Variants in HSDL2 observed in about 807,000 individuals in gnomAD.
HSDL2 encodes hydroxysteroid dehydrogenase-like protein 2.
Under a neutral mutation model 46.3 loss-of-function variants are expected in HSDL2, and 27 were observed. That is an observed-to-expected ratio of 0.58 (90% CI 0.43 to 0.80). The LOEUF is 0.80. HSDL2 is among the 30% of genes least tolerant of loss of function. HSDL2 has a pLI of 0.00. For synonymous variants in HSDL2, 153 were observed against 163.6 expected, an observed-to-expected ratio of 0.94 and a Z score of 0.50; for missense variants, 451 against 502.7, an observed-to-expected ratio of 0.90 and a Z score of 0.98.
intron 10 of HSDL2, among the ~76,000 whole-genome samples, chr9:112,461,469 A>G (rs933161651): frequency 2.2e-4 from 33 of 152,360 alleles, no homozygotes; most frequent in African/African-American, 7.7e-4. Context: ...GGACACATTT[A>G]ATAAACGCTC....
chr9:112,458,071 C>T (rs1414283537), intron 9 of HSDL2, among the ~76,000 whole-genome samples: 3 of 150,510 alleles, frequency 2.0e-5, no homozygotes, highest in East Asian at 2.0e-4. Context: ...CTCACAAGCT[C>T]ATCCAACACC....
At chr9:112,444,834 GTTT>G in intron 8 of HSDL2, among the ~76,000 whole-genome samples, 7 of 79,644 alleles carry the variant, frequency 8.8e-5, no homozygotes, top group Middle Eastern at 7.0e-3. Context: ...ACTCAGTCTT[GTTT>G]TTTTTTTTTT....
chr9:112,452,029 C>T (rs150639827), intron 8 of HSDL2, among the ~76,000 whole-genome samples: 197 of 152,012 alleles, frequency 1.3e-3, no homozygotes, highest in African/African-American at 4.4e-3. Flanking sequence ...GTGGATTGCC[C>T]CCAGTGCAGG....
At chr9:112,452,103 A>C (rs1832899108) in intron 8 of HSDL2, among the ~76,000 whole-genome samples, 1 of 152,242 alleles carries the variant, frequency 6.6e-6, no homozygotes, top group African/African-American at 2.4e-5. Flanking sequence ...AAAATTCTTT[A>C]AGGCTTTCAT....
Position 112,464,620 on chromosome 9 carries a change from G to C in HSDL2, c.1144+5043G>C, listed in dbSNP as rs189351957. Reference sequence around the variant, plus strand: ...AATCAGTGAAGCCATTTTGTAGCTGGGATTTTTTGTAGGAATATTTTAAAT... The same window carrying C: ...AATCAGTGAAGCCATTTTGTAGCTGCGATTTTTTGTAGGAATATTTTAAAT... On this transcript the variant is annotated intron_variant, in intron 10 of 10. Transcript: ENST00000398805. Among the ~76,000 whole-genome samples, 116 of 152,116 alleles carry C rather than the reference G, an allele frequency of 7.6e-4. 1 individual carries two copies. Among genetic ancestry groups the C allele is most frequent in the African/African-American group, 2.7e-3 (113 of 41,482 alleles).
chr9:112,414,885 C>T (rs920217547), intron 4 of HSDL2, among the ~76,000 whole-genome samples: 4 of 151,372 alleles, frequency 2.6e-5, no homozygotes, highest in African/African-American at 9.7e-5. Flanking sequence ...CAGTATTGTA[C>T]ATTTGGTAAT....
rs576016136 is a variant in HSDL2 at position 112,388,709 on chromosome 9, G to A, written c.17+8529G>A. Reference sequence around the variant, plus strand: ...GTGGAGGTTGCAGTGAGCTGAGATAGTGCCACTGCACTCTAACCTGGGCGA... The same window carrying A: ...GTGGAGGTTGCAGTGAGCTGAGATAATGCCACTGCACTCTAACCTGGGCGA... On this transcript the variant is annotated intron_variant, in intron 1 of 10. Coordinates refer to ENST00000398805, the MANE Select transcript of HSDL2 (RefSeq NM_032303.5). Among the ~76,000 whole-genome samples, 24 of 152,120 alleles carry A rather than the reference G, an allele frequency of 1.6e-4. 1 individual carries two copies. The South Asian group carries it at 5.0e-3, about 32-fold the overall frequency.
intron 4 of HSDL2, among the ~76,000 whole-genome samples, chr9:112,409,373 TAG>T (rs1226885840): frequency 6.6e-6 from 1 of 152,034 alleles, no homozygotes; most frequent in African/African-American, 2.4e-5. Flanking sequence ...GTATTTTTAG[TAG>T]AGACAGGGTT....
intron 6 of HSDL2, among the ~76,000 whole-genome samples, chr9:112,431,011 C>A (rs1474175397): frequency 7.0e-6 from 1 of 142,256 alleles, no homozygotes; most frequent in African/African-American, 2.6e-5. Flanking sequence ...GAGATCACGC[C>A]AGTGCACTCC....
intron 8 of HSDL2, among the ~76,000 whole-genome samples, chr9:112,451,906 A>G (rs1324280044): frequency 6.6e-6 from 1 of 152,180 alleles, no homozygotes; most frequent in Non-Finnish European, 1.5e-5. Flanking sequence ...TACCTGTAAT[A>G]TCATCTTTCT....
intron 10 of HSDL2, among the ~76,000 whole-genome samples, chr9:112,468,284 CTTATA>C (rs963590560): frequency 4.6e-5 from 7 of 152,066 alleles, no homozygotes; most frequent in African/African-American, 1.4e-4. Flanking sequence ...TTGAAAAGTT[CTTATA>C]TTATTTCTTT....
intron 1 of HSDL2, among the ~76,000 whole-genome samples, chr9:112,401,089 T>C (rs1183479336): frequency 6.6e-6 from 1 of 152,200 alleles, no homozygotes; most frequent in African/African-American, 2.4e-5. Flanking sequence ...GCTGTTATCT[T>C]AATTTTATTC....
At chr9:112,438,136 G>C (rs1022965720) in intron 6 of HSDL2, among the ~76,000 whole-genome samples, 6 of 152,214 alleles carry the variant, frequency 3.9e-5, no homozygotes, top group Admixed American at 2.6e-4. Context: ...CAGCTACTCA[G>C]AAGGCTGGGT....
In HSDL2 at chr9:112,459,469, T is replaced by A; in HGVS notation, c.1036T>A (p.Phe346Ile). 6.2e-7 allele frequency: 1 copy of A among 1,614,004 alleles called. No individual in the cohort carries two copies. The highest frequency in any genetic ancestry group is 1.1e-5 in the South Asian group (1 of 91,068). The change falls in exon 10 of 11, where the codon TTT becomes ATT. Residue 346 changes from phenylalanine (F) to isoleucine (I), a missense_variant. Coordinates refer to ENST00000398805, the MANE Select transcript of HSDL2 (RefSeq NM_032303.5). ...ELSGEDGGTW[F>I]LDLKSKGGNV... The stretch of plus-strand genomic sequence containing the variant: ...TCTAGGTGAAGATGGTGGCACGTGG[T>A]TTCTTGATCTGAAAAGCAAGGGTGG...
intron 9 of HSDL2, among the ~76,000 whole-genome samples, chr9:112,456,354 C>T (rs778249816): frequency 6.6e-6 from 1 of 152,204 alleles, no homozygotes; most frequent in African/African-American, 2.4e-5. Context: ...TCCTTGATGA[C>T]TTCCCTGTCA....
At chr9:112,395,111 A>C (rs1173894027) in intron 1 of HSDL2, among the ~76,000 whole-genome samples, 1 of 152,194 alleles carries the variant, frequency 6.6e-6, no homozygotes, top group Non-Finnish European at 1.5e-5. Context: ...TCAGGCTAAT[A>C]GAAATGGTGA....
Position 112,405,473 on chromosome 9 carries a change from G to A in HSDL2, c.182-151G>A, listed in dbSNP as rs527847627. On this transcript the variant is annotated intron_variant, in intron 2 of 10. Transcript: ENST00000398805. ...AGTGTTAGCCTAGCTAGTCTGTCCT[G>A]CTATATGGTAGAGTCACTGGTGGTA... 1.0e-3 allele frequency: 554 copies of A among 547,328 alleles called. 1 individual carries two copies. Among genetic ancestry groups the A allele is most frequent in the Non-Finnish European group, 1.6e-3 (513 of 313,358 alleles). 33.9% of individuals were successfully genotyped at this position (547,328 alleles called of 1,614,324 possible).
intron 4 of HSDL2, among the ~76,000 whole-genome samples, chr9:112,410,167 T>C (rs1462963297): frequency 4.6e-5 from 7 of 152,232 alleles, no homozygotes; most frequent in Non-Finnish European, 1.0e-4. Context: ...TGAAAGAACA[T>C]AGTCTTGATC....
At chr9:112,385,134 C>T (rs1831188520) in intron 1 of HSDL2, among the ~76,000 whole-genome samples, 1 of 151,886 alleles carries the variant, frequency 6.6e-6, no homozygotes, top group African/African-American at 2.4e-5. Flanking sequence ...AACAGAACCA[C>T]TTTAATATTT....
Sources: gnomAD v4.1 joint callset for allele counts (sites outside exome capture counted in the v4.1 genomes callset) on GRCh38, gnomAD v4.1.1 for gene constraint, MANE v1.5 for transcripts, NCBI Gene and HGNC (gene_info 2026-07-23, HGNC 2026-07-21) for gene names.